Variants in MROH7 observed in about 807,000 individuals in gnomAD.
MROH7 encodes maestro heat-like repeat-containing protein family member 7.
MROH7 carries 113 observed loss-of-function variants against 129.2 expected under a neutral mutation model. The observed-to-expected ratio is 0.87, with a 90% CI of 0.75 to 1.02. The LOEUF is 1.02. Ranked by LOEUF, MROH7 falls within the 50% of genes least tolerant of loss-of-function variation. MROH7 has a pLI of 0.00. For synonymous variants in MROH7, 655 were observed against 667.9 expected, an observed-to-expected ratio of 0.98 and a Z score of 0.30; for missense variants, 1,601 against 1,671.3, an observed-to-expected ratio of 0.96 and a Z score of 0.73.
chr1:54,642,377 C>T (rs1369634685), intron 1 of MROH7, among the ~76,000 whole-genome samples: 1 of 152,178 alleles, frequency 6.6e-6, no homozygotes, highest in Non-Finnish European at 1.5e-5. Context: ...GACTCCAAAG[C>T]CTTGGATGTT....
intron 22 of MROH7, among the ~76,000 whole-genome samples, chr1:54,707,061 G>A (rs1052472058): frequency 3.3e-5 from 5 of 152,186 alleles, no homozygotes; most frequent in African/African-American, 1.2e-4. Context: ...GGCACATACA[G>A]GTGCTCAATG....
intron 3 of MROH7, among the ~76,000 whole-genome samples, chr1:54,658,554 G>A (rs684472): frequency 6.6e-6 from 1 of 151,834 alleles, no homozygotes; most frequent in African/African-American, 2.4e-5. Flanking sequence ...CTTTTTTGGG[G>A]TATAAGATGG....
chr1:54,679,957 G>A lies in MROH7; in HGVS notation c.2293G>A (p.Val765Met). 6.2e-7 allele frequency: 1 copy of A among 1,613,972 alleles called. No individual in the cohort carries two copies. Among genetic ancestry groups the A allele is most frequent in the Non-Finnish European group, 8.5e-7 (1 of 1,179,974 alleles). The change falls in exon 13 of 24, where the codon GTG becomes ATG. Residue 765 changes from valine (V) to methionine (M), a missense_variant. Transcript: ENST00000421030. ...CATCCAGGAGCCTCGGGCCCGCCAG[G>A]TGGCCCTGCTGCCCGTCTCCCTCCT... ...SHIQEPRARQ[V>M]ALLPVSLLAS...
intron 7 of MROH7, among the ~76,000 whole-genome samples, chr1:54,672,519 A>C (rs1644917834): frequency 6.6e-6 from 1 of 152,174 alleles, no homozygotes; most frequent in African/African-American, 2.4e-5. Context: ...AAACCTAGGC[A>C]GGAGAGAGAT....
At chr1:54,662,239 C>T (rs191825352) in intron 3 of MROH7, among the ~76,000 whole-genome samples, 22 of 150,466 alleles carry the variant, frequency 1.5e-4, no homozygotes, top group Middle Eastern at 7.1e-3. Flanking sequence ...CAAAACAAAA[C>T]TTAGAGAAAA....
chr1:54,677,228 G>A (rs1204354479), intron 10 of MROH7, among the ~76,000 whole-genome samples: 1 of 152,112 alleles, frequency 6.6e-6, no homozygotes, highest in Non-Finnish European at 1.5e-5. Flanking sequence ...GTGACACCCT[G>A]TCTCTACTAA....
chr1:54,667,249 C>T (rs986216610), intron 4 of MROH7, among the ~76,000 whole-genome samples: 2 of 152,124 alleles, frequency 1.3e-5, no homozygotes, highest in African/African-American at 4.8e-5. Context: ...ATTAAATTAG[C>T]CATCCCTCTG....
At chr1:54,695,346 G>A (rs950999606) in intron 16 of MROH7, 30 bp from the exon 17 acceptor site, 1 of 1,348,500 alleles carries the variant, frequency 7.4e-7, no homozygotes. Context: ...CTGGATACCT[G>A]AGGGGACTAC....
At chr1:54,681,083 C>T (rs1439027850) in intron 13 of MROH7, among the ~76,000 whole-genome samples, 1 of 152,156 alleles carries the variant, frequency 6.6e-6, no homozygotes, top group Non-Finnish European at 1.5e-5. Context: ...CAGCAGCCCC[C>T]ACAGCAGGCC....
chr1:54,687,311 G>A (rs947870667), intron 15 of MROH7, among the ~76,000 whole-genome samples: 10 of 152,284 alleles, frequency 6.6e-5, no homozygotes, highest in Middle Eastern at 3.4e-3. Context: ...CTGACCTCAG[G>A]CGATCCACCC....
At chr1:54,647,272 A>C (rs1233850572) in intron 1 of MROH7, among the ~76,000 whole-genome samples, 1 of 152,192 alleles carries the variant, frequency 6.6e-6, no homozygotes, top group Non-Finnish European at 1.5e-5. Flanking sequence ...TTTTGCTCTT[A>C]CATGTAGGTC....
intron 5 of MROH7, among the ~76,000 whole-genome samples, 179 bp downstream of exon 5, chr1:54,669,116 G>A (rs1557702685): frequency 6.6e-6 from 1 of 152,082 alleles, no homozygotes. Flanking sequence ...CCTACACAGA[G>A]GGAGCTCAGG....
intron 4 of MROH7, chr1:54,665,824 A>C (rs1376047831): frequency 1.3e-5 from 2 of 153,164 alleles, no homozygotes; most frequent in African/African-American, 4.8e-5. Context: ...ATCCAGGCCC[A>C]GACATGCAGG....
intron 12 of MROH7, 54 bp downstream of exon 12, chr1:54,679,493 C>G: frequency 2.6e-6 from 4 of 1,557,436 alleles, no homozygotes. Flanking sequence ...GGGAGCTCCC[C>G]CCATGGCCTG....
At chr1:54,692,622 C>T (rs1645258163) in intron 16 of MROH7, 61 bp downstream of exon 16, 2 of 1,548,860 alleles carry the variant, frequency 1.3e-6, no homozygotes, top group South Asian at 2.4e-5. Context: ...ACCTCAGGAT[C>T]TTCAGACGGA....
At chr1:54,669,067 C>G in intron 5 of MROH7, 130 bp downstream of exon 5, 1 of 659,082 alleles carries the variant, frequency 1.5e-6, no homozygotes, top group Non-Finnish European at 2.6e-6. Context: ...GGCAGGACAT[C>G]GGGAATTGAG....
chr1:54,690,219 C>T (rs950542421), intron 15 of MROH7, among the ~76,000 whole-genome samples: 1 of 151,624 alleles, frequency 6.6e-6, no homozygotes, highest in African/African-American at 2.4e-5. Context: ...CACGAAGCAG[C>T]ACGGGCGCCA....
In MROH7 at chr1:54,665,185, C is replaced by T; in HGVS notation, c.1250C>T (p.Thr417Ile). 6.2e-7 allele frequency: 1 copy of T among 1,613,840 alleles called. No homozygotes were observed. The highest frequency in any genetic ancestry group is 8.5e-7 in the Non-Finnish European group (1 of 1,179,882). ...CCTGCAGGAGCCTTTGATGAAGTGA[C>T]CTCATGCCTGGTGAAGGTGCCAGAG... is the stretch of plus-strand genomic sequence containing the variant. ...GIPEGAFDEV[T>I]SCLVKVPEKT... is the part of the protein sequence containing the mutation. Residue 417 changes from threonine to isoleucine, a missense_variant, in exon 4 of 24, where the codon ACC becomes ATC. Coordinates refer to ENST00000421030, the MANE Select transcript of MROH7 (RefSeq NM_001039464.4).
intron 21 of MROH7, among the ~76,000 whole-genome samples, chr1:54,706,215 T>A (rs1022025537): frequency 3.3e-5 from 5 of 150,282 alleles, no homozygotes; most frequent in Non-Finnish European, 5.9e-5. Context: ...AGCAGGGGGG[T>A]AAATTGGAAG....
Sources: allele counts gnomAD v4.1 joint callset (sites outside exome capture counted in the v4.1 genomes callset), GRCh38; gene constraint gnomAD v4.1.1; transcripts MANE v1.5; gene names NCBI Gene and HGNC (gene_info 2026-07-23, HGNC 2026-07-21).